Variants in CERKL observed in about 807,000 individuals in gnomAD.
The protein encoded by CERKL is ceramide kinase-like protein.
In CERKL, 61 loss-of-function variants were observed where a neutral mutation model predicts 63.4. That is an observed-to-expected ratio of 0.96 (90% CI 0.78 to 1.19). CERKL has a LOEUF of 1.19. CERKL is among the 50% of genes most tolerant of loss of function. CERKL has a pLI of 0.00. For synonymous variants in CERKL, 250 were observed against 230.5 expected, an observed-to-expected ratio of 1.08 and a Z score of -0.77; for missense variants, 675 against 655.5, an observed-to-expected ratio of 1.03 and a Z score of -0.33.
At chr2:181,581,794 C>A (rs1367455311) in intron 2 of CERKL, among the ~76,000 whole-genome samples, 1 of 152,182 alleles carries the variant, frequency 6.6e-6, no homozygotes, top group Non-Finnish European at 1.5e-5. Context: ...GCAGGTAGAA[C>A]ACTTGGCAAT....
intron 1 of CERKL, among the ~76,000 whole-genome samples, chr2:181,604,579 C>G (rs1011251827): frequency 4.6e-5 from 7 of 152,160 alleles, no homozygotes; most frequent in Middle Eastern, 3.4e-3. Context: ...ATGAAGAATT[C>G]CAAGAACATA....
chr2:181,547,906 G>GACCCACACACACAC, intron 8 of CERKL, 59 bp from the exon 9 acceptor site: 1 of 1,291,494 alleles, frequency 7.7e-7, no homozygotes, highest in Non-Finnish European at 1.1e-6. Context: ...CAGACACACA[G>GACCCACACACACAC]ACACACACAA....
In CERKL at chr2:181,603,920, A is replaced by C. The variant is rs1170198470; in HGVS notation, c.398T>G (p.Leu133Arg). 1 of 1,613,012 alleles carries C rather than the reference A, an allele frequency of 6.2e-7. No individual in the cohort carries two copies. The highest frequency in any genetic ancestry group is 1.1e-5 in the South Asian group (1 of 91,042). ...AATAAGATCAAGTGTAGAATTCTTT[A>C]GTTTATTTTGTTCCTTTTTCAAGCA... Reference protein sequence around the residue: ...FICLKKEQNKLKNSTLDLINL... With the variant: ...FICLKKEQNKRKNSTLDLINL... Residue 133 changes from leucine to arginine, a missense_variant, in exon 2 of 13, where the codon CTA (leucine) becomes CGA (arginine). Physicochemically the swap from Leu to Arg is moderately radical, Grantham distance 102 (BLOSUM62 -2). Coordinates refer to ENST00000410087, the MANE Select transcript of CERKL (RefSeq NM_201548.5).
intron 11 of CERKL, among the ~76,000 whole-genome samples, chr2:181,542,482 T>C (rs1226203525): frequency 6.6e-6 from 1 of 152,212 alleles, no homozygotes; most frequent in African/African-American, 2.4e-5. Flanking sequence ...TAAATTCACA[T>C]TTTTAATGTC....
intron 3 of CERKL, among the ~76,000 whole-genome samples, chr2:181,566,478 T>C (rs1688672737): frequency 6.6e-6 from 1 of 152,208 alleles, no homozygotes; most frequent in Non-Finnish European, 1.5e-5. Context: ...AAATAAGGCA[T>C]ATTAGCTGGC....
In CERKL at chr2:181,657,036, G is replaced by C; in HGVS notation, c.-30C>G. On this transcript the variant is annotated 5_prime_UTR_variant, in exon 1 of 13. Coordinates refer to ENST00000410087, the MANE Select transcript of CERKL (RefSeq NM_201548.5). ...GAGTCGCAGGCTGGGCCCGAGCCAG[G>C]GGTCCGGGGAGGCCTTTGGAGAAGG... 2 of 1,554,572 alleles carry C rather than the reference G, an allele frequency of 1.3e-6. No homozygotes were observed. The highest frequency in any genetic ancestry group is 1.8e-5 in the Admixed American group (1 of 54,264).
At chr2:181,631,080 TAC>T (rs1686936719) in intron 1 of CERKL, among the ~76,000 whole-genome samples, 1 of 152,136 alleles carries the variant, frequency 6.6e-6, no homozygotes, top group Non-Finnish European at 1.5e-5. Flanking sequence ...AGGGATGCAA[TAC>T]AGTCTAGGGA....
chr2:181,617,094 T>C (rs375939962), intron 1 of CERKL, among the ~76,000 whole-genome samples: 14 of 152,250 alleles, frequency 9.2e-5, no homozygotes, highest in African/African-American at 3.4e-4. Context: ...CAAATTTTAC[T>C]AATAATTGCT....
intron 11 of CERKL, 38 bp from the exon 12 acceptor site, chr2:181,539,302 T>C: frequency 7.4e-7 from 1 of 1,346,654 alleles, no homozygotes; most frequent in Non-Finnish European, 1.1e-6. Context: ...ACTTGGTTTA[T>C]CTCTAGCTAC....
chr2:181,645,093 C>T (rs1284163157), intron 1 of CERKL, among the ~76,000 whole-genome samples: 1 of 152,114 alleles, frequency 6.6e-6, no homozygotes, highest in Admixed American at 6.5e-5. Flanking sequence ...AACAGACAGA[C>T]TCAGGATCAT....
At chr2:181,635,337 TA>T (rs1035335409) in intron 1 of CERKL, among the ~76,000 whole-genome samples, 12 of 152,108 alleles carry the variant, frequency 7.9e-5, no homozygotes, top group African/African-American at 2.7e-4. Flanking sequence ...ATTTAAAAAA[TA>T]AAAATAACTT....
intron 2 of CERKL, among the ~76,000 whole-genome samples, chr2:181,599,135 T>C (rs983101656): frequency 6.6e-6 from 1 of 152,058 alleles, no homozygotes; most frequent in Non-Finnish European, 1.5e-5. Flanking sequence ...CCATTTCAAA[T>C]AAACCAGAAA....
At chr2:181,574,547 G>A (rs1689042111) in intron 2 of CERKL, among the ~76,000 whole-genome samples, 1 of 152,162 alleles carries the variant, frequency 6.6e-6, no homozygotes, top group South Asian at 2.1e-4. Flanking sequence ...CACAGTTGGG[G>A]CTGAGATTTG....
intron 1 of CERKL, among the ~76,000 whole-genome samples, chr2:181,644,609 A>G (rs1426003926): frequency 6.6e-6 from 1 of 152,204 alleles, no homozygotes; most frequent in Non-Finnish European, 1.5e-5. Flanking sequence ...TGAACCTCAC[A>G]TCAGAGAAGT....
At chr2:181,549,484 C>A (rs1277510653) in intron 6 of CERKL, 150 bp downstream of exon 6, 15 of 653,778 alleles carry the variant, frequency 2.3e-5, no homozygotes, top group Non-Finnish European at 3.9e-5. Context: ...CATAGTAAAG[C>A]ATTGCCTTTT....
intron 1 of CERKL, among the ~76,000 whole-genome samples, chr2:181,622,415 G>A (rs1686497030): frequency 6.6e-6 from 1 of 152,120 alleles, no homozygotes; most frequent in African/African-American, 2.4e-5. Context: ...CAGATATAAA[G>A]ACCTTCAAAA....
chr2:181,585,309 A>G (rs1447389863), intron 2 of CERKL, among the ~76,000 whole-genome samples: 1 of 152,156 alleles, frequency 6.6e-6, no homozygotes, highest in East Asian at 1.9e-4. Context: ...ATATAAATAA[A>G]TAACTAATAT....
At chr2:181,637,655 A>G (rs1297419458) in intron 1 of CERKL, among the ~76,000 whole-genome samples, 1 of 152,198 alleles carries the variant, frequency 6.6e-6, no homozygotes, top group Non-Finnish European at 1.5e-5. Context: ...AAGGAAAAGC[A>G]TAGAAGGGAA....
intron 2 of CERKL, among the ~76,000 whole-genome samples, chr2:181,574,868 A>G (rs528905190): frequency 6.6e-6 from 1 of 152,344 alleles, no homozygotes; most frequent in Non-Finnish European, 1.5e-5. Flanking sequence ...TTGATACAAT[A>G]AAGTATTTCA....
Sources: allele counts gnomAD v4.1 joint callset (sites outside exome capture counted in the v4.1 genomes callset), GRCh38; gene constraint gnomAD v4.1.1; transcripts MANE v1.5; gene names NCBI Gene and HGNC (gene_info 2026-07-23, HGNC 2026-07-21).